Variants in DPYD observed in about 807,000 individuals in gnomAD.
The protein encoded by DPYD is dihydropyrimidine dehydrogenase, also known as dihydropyrimidine dehydrogenase [NADP(+)].
DPYD carries 109 observed loss-of-function variants against 116.2 expected under a neutral mutation model. The ratio of observed to expected loss-of-function variants is 0.94; its 90% CI spans 0.80 to 1.10. DPYD has a LOEUF of 1.10. DPYD is among the 50% of genes least tolerant of loss of function. The pLI, the probability that DPYD is intolerant of heterozygous loss-of-function variation, is 0.00. For synonymous variants in DPYD, 440 were observed against 432.0 expected, an observed-to-expected ratio of 1.02 and a Z score of -0.23; for missense variants, 1,302 against 1,254.5, an observed-to-expected ratio of 1.04 and a Z score of -0.57.
chr1:97,406,634 T>G (rs1275021246), intron 14 of DPYD, among the ~76,000 whole-genome samples: 3 of 141,738 alleles, frequency 2.1e-5, no homozygotes, highest in Non-Finnish European at 4.5e-5. Context: ...GCTTTTACAC[T>G]GTTGGTGGGG....
intron 19 of DPYD, among the ~76,000 whole-genome samples, chr1:97,206,638 T>TTATATATATGTGTATATA (rs1553233563): frequency 6.1e-5 from 3 of 48,982 alleles, no homozygotes; most frequent in African/African-American, 1.3e-4. Context: ...CAGGGAGATT[T>TTATATATATGTGTATATA]TATATATATA....
chr1:97,315,032 G>T (rs1031697170), intron 16 of DPYD, among the ~76,000 whole-genome samples: 1 of 151,972 alleles, frequency 6.6e-6, no homozygotes, highest in Admixed American at 6.6e-5. Context: ...AATTTAAAGG[G>T]TTAACTTTCT....
intron 20 of DPYD, among the ~76,000 whole-genome samples, chr1:97,142,440 T>G (rs910175206): frequency 2.0e-5 from 3 of 152,012 alleles, no homozygotes; most frequent in Non-Finnish European, 2.9e-5. Context: ...CGAATCTCTC[T>G]TTTTCTCAAG....
chr1:97,504,257 C>T (rs917827633), intron 13 of DPYD, among the ~76,000 whole-genome samples: 3 of 151,818 alleles, frequency 2.0e-5, no homozygotes, highest in African/African-American at 7.3e-5. Flanking sequence ...ATACAGTGTC[C>T]CACTCTGCTT....
At position 97,521,938 on chromosome 1, in the gene DPYD, C is replaced by T. The variant is rs570470717; in HGVS notation, c.1525-5997G>A. 5.9e-5 allele frequency among the ~76,000 whole-genome samples: 9 copies of T among 152,236 alleles called. No homozygotes were observed. In the South Asian group the frequency reaches 1.9e-3, roughly 32 times the overall value. ...ATGGATTAAAGACTTAAATGTAAGA[C>T]CTAAAACCATAAAAACCCTAGAAGA... On this transcript the variant is annotated intron_variant, in intron 12 of 22. Coordinates refer to ENST00000370192, the MANE Select transcript of DPYD (RefSeq NM_000110.4).
intron 14 of DPYD, among the ~76,000 whole-genome samples, chr1:97,400,105 T>A (rs571042021): frequency 6.6e-6 from 1 of 152,306 alleles, no homozygotes; most frequent in East Asian, 1.9e-4. Flanking sequence ...TAGCTCTTAT[T>A]ATTTTGAGAT....
intron 18 of DPYD, among the ~76,000 whole-genome samples, chr1:97,248,019 T>C (rs1299747549): frequency 1.3e-5 from 2 of 152,184 alleles, no homozygotes; most frequent in Non-Finnish European, 2.9e-5. Flanking sequence ...ATAAAGCCAG[T>C]ATAATCTTGA....
At chr1:97,774,993 A>G in intron 3 of DPYD, 1 of 318,416 alleles carries the variant, frequency 3.1e-6, no homozygotes, top group Non-Finnish European at 6.7e-6. Context: ...CAAAAAAAAG[A>G]AAGAAGCTCT....
At chr1:97,484,023 A>C in intron 13 of DPYD, among the ~76,000 whole-genome samples, 1 of 152,158 alleles carries the variant, frequency 6.6e-6, no homozygotes, top group Non-Finnish European at 1.5e-5. Flanking sequence ...AATAATTTCC[A>C]ACTGGGTCCC....
At chr1:97,238,716 A>G (rs1228834456) in intron 18 of DPYD, among the ~76,000 whole-genome samples, 4 of 152,206 alleles carry the variant, frequency 2.6e-5, no homozygotes, top group African/African-American at 9.6e-5. Context: ...CTAGGGAGGA[A>G]GAAGCCAGTG....
intron 19 of DPYD, among the ~76,000 whole-genome samples, chr1:97,206,687 T>TATATATAA (rs539927395): frequency 0.025 from 1,755 of 71,412 alleles, 198 homozygotes; most frequent in South Asian, 0.038. Context: ...TATATATATA[T>TATATATAA]AATCTATATG....
intron 14 of DPYD, among the ~76,000 whole-genome samples, chr1:97,409,978 A>G (rs1452558580): frequency 6.6e-6 from 1 of 151,922 alleles, no homozygotes; most frequent in African/African-American, 2.4e-5. Flanking sequence ...AGGCAGAAGA[A>G]TTGCTTGAAC....
chr1:97,612,398 T>TA (rs939044087), intron 8 of DPYD, among the ~76,000 whole-genome samples: 24 of 151,406 alleles, frequency 1.6e-4, no homozygotes, highest in African/African-American at 5.8e-4. Context: ...AGCACTAATG[T>TA]AAAAAAAAAT....
intron 13 of DPYD, among the ~76,000 whole-genome samples, chr1:97,489,212 C>T (rs1288506826): frequency 2.1e-4 from 32 of 152,186 alleles, no homozygotes; most frequent in Admixed American, 1.3e-4. Context: ...TATATTTTCA[C>T]GGAACCACAG....
At chr1:97,867,119 G>A (rs1405575611) in intron 2 of DPYD, among the ~76,000 whole-genome samples, 1 of 151,820 alleles carries the variant, frequency 6.6e-6, no homozygotes, top group Admixed American at 6.6e-5. Context: ...GTTCAATACT[G>A]TCATTAGACA....
intron 3 of DPYD, among the ~76,000 whole-genome samples, chr1:97,749,073 T>C (rs1158556886): frequency 6.6e-6 from 1 of 152,216 alleles, no homozygotes; most frequent in Non-Finnish European, 1.5e-5. Context: ...GCTCCACACA[T>C]TATCTCTAGC....
At chr1:97,224,830 C>A (rs1661007025) in intron 19 of DPYD, among the ~76,000 whole-genome samples, 1 of 151,752 alleles carries the variant, frequency 6.6e-6, no homozygotes, top group African/African-American at 2.4e-5. Context: ...TATTTTGACA[C>A]AAATGGCAGG....
At chr1:97,793,485 C>A (rs1667414967) in intron 3 of DPYD, among the ~76,000 whole-genome samples, 1 of 152,098 alleles carries the variant, frequency 6.6e-6, no homozygotes, top group South Asian at 2.1e-4. Context: ...CAATATGATA[C>A]CAGTGTTAAT....
At chr1:97,376,592 G>A (rs1671628965) in intron 15 of DPYD, among the ~76,000 whole-genome samples, 1 of 152,086 alleles carries the variant, frequency 6.6e-6, no homozygotes, top group African/African-American at 2.4e-5. Flanking sequence ...TTAAAAGGCA[G>A]TTAATTCCAT....
Sources: gnomAD v4.1 joint callset for allele counts (sites outside exome capture counted in the v4.1 genomes callset) on GRCh38, gnomAD v4.1.1 for gene constraint, MANE v1.5 for transcripts, NCBI Gene and HGNC (gene_info 2026-07-23, HGNC 2026-07-21) for gene names.